Variants in DKK2 observed in about 807,000 individuals in gnomAD.
DKK2 encodes the protein dickkopf-related protein 2.
Under a neutral mutation model 28.1 loss-of-function variants are expected in DKK2, and 11 were observed. The observed-to-expected ratio is 0.39, with a 90% CI of 0.25 to 0.65. DKK2 has a LOEUF of 0.65. Ranked by LOEUF, DKK2 falls within the 30% of genes least tolerant of loss-of-function variation. The pLI is 0.47. For missense variants in DKK2, 326 were observed against 335.5 expected (o/e 0.97, Z 0.22); for synonymous variants, 135 against 126.5 (o/e 1.07, Z -0.45).
intron 1 of DKK2, among the ~76,000 whole-genome samples, chr4:106,971,954 T>C (rs995840717): frequency 4.6e-5 from 7 of 152,210 alleles, no homozygotes; most frequent in Admixed American, 3.9e-4. Flanking sequence ...ATAATCCAGA[T>C]GTAGCAACCT....
chr4:106,938,953 G>C (rs1341746311), intron 1 of DKK2, among the ~76,000 whole-genome samples: 1 of 151,418 alleles, frequency 6.6e-6, no homozygotes, highest in Admixed American at 6.6e-5. Flanking sequence ...GTATTGATGG[G>C]ATGTATTTCA....
intron 1 of DKK2, among the ~76,000 whole-genome samples, chr4:106,990,699 A>G (rs1723190460): frequency 6.6e-6 from 1 of 152,150 alleles, no homozygotes; most frequent in African/African-American, 2.4e-5. Context: ...CTTACAGTCC[A>G]GTCTCCAGCT....
chr4:106,935,069 G>C (rs904644460), intron 1 of DKK2, among the ~76,000 whole-genome samples: 1 of 152,084 alleles, frequency 6.6e-6, no homozygotes, highest in Non-Finnish European at 1.5e-5. Flanking sequence ...AGTTTAAATA[G>C]ACTAATAAAC....
intron 1 of DKK2, among the ~76,000 whole-genome samples, chr4:106,960,720 T>C (rs1428659841): frequency 6.6e-6 from 1 of 152,188 alleles, no homozygotes; most frequent in East Asian, 1.9e-4. Context: ...TATATTGTTA[T>C]AAAATACATA....
intron 1 of DKK2, among the ~76,000 whole-genome samples, chr4:106,930,944 T>C (rs541874790): frequency 4.1e-4 from 63 of 152,274 alleles, no homozygotes; most frequent in African/African-American, 1.5e-3. Flanking sequence ...AAAAGATTAA[T>C]TTTCCTCATC....
chr4:106,992,996 G>C (rs966726404), intron 1 of DKK2, among the ~76,000 whole-genome samples: 5 of 152,194 alleles, frequency 3.3e-5, no homozygotes, highest in African/African-American at 4.8e-5. Flanking sequence ...ATTCCATATG[G>C]ATACTGCAAA....
intron 1 of DKK2, among the ~76,000 whole-genome samples, chr4:106,940,346 A>T (rs1724674919): frequency 6.6e-6 from 1 of 152,132 alleles, no homozygotes; most frequent in Non-Finnish European, 1.5e-5. Flanking sequence ...CAGCCAAAAA[A>T]CACATGAAAA....
rs966217091 is a variant in DKK2 at position 106,993,358 on chromosome 4, G to A, written c.222+42012C>T. 2.6e-5 allele frequency among the ~76,000 whole-genome samples: 4 copies of A among 152,120 alleles called. No homozygotes were observed. In the East Asian group the frequency reaches 7.7e-4, roughly 29 times the overall value. On this transcript the variant is annotated intron_variant, in intron 1 of 3. Transcript: ENST00000285311. Reference sequence around the variant, plus strand: ...CATACTAAAATGTTCAATAAACGGAGGTTTCCCAATTAACCCACTACTAAA... The same window carrying A: ...CATACTAAAATGTTCAATAAACGGAAGTTTCCCAATTAACCCACTACTAAA...
At chr4:106,926,856 T>C (rs1275212996) in intron 1 of DKK2, among the ~76,000 whole-genome samples, 1 of 152,172 alleles carries the variant, frequency 6.6e-6, no homozygotes, top group African/African-American at 2.4e-5. Context: ...CATACATATA[T>C]ACCCATTTGT....
chr4:106,953,718 C>G (rs548766892), intron 1 of DKK2, among the ~76,000 whole-genome samples: 1 of 152,318 alleles, frequency 6.6e-6, no homozygotes, highest in African/African-American at 2.4e-5. Flanking sequence ...AAGTGGAACA[C>G]TTTAACCTCT....
intron 1 of DKK2, among the ~76,000 whole-genome samples, chr4:107,008,696 T>A (rs1723474130): frequency 6.6e-6 from 1 of 152,040 alleles, no homozygotes; most frequent in Non-Finnish European, 1.5e-5. Flanking sequence ...CAATATTTCC[T>A]ATACACAGGG....
intron 1 of DKK2, among the ~76,000 whole-genome samples, chr4:106,982,171 C>A (rs926556176): frequency 2.6e-5 from 4 of 152,048 alleles, no homozygotes; most frequent in African/African-American, 7.2e-5. Context: ...TCGTTTATTT[C>A]GTTGGTTATT....
intron 1 of DKK2, among the ~76,000 whole-genome samples, chr4:107,025,383 GAAGAA>G (rs1260047885): frequency 1.3e-5 from 2 of 152,150 alleles, no homozygotes; most frequent in East Asian, 1.9e-4. Context: ...CAGCAGAAGA[GAAGAA>G]AAGGACTAAA....
intron 1 of DKK2, among the ~76,000 whole-genome samples, chr4:106,949,731 C>A (rs1046526013): frequency 4.3e-4 from 65 of 152,100 alleles, no homozygotes; most frequent in Admixed American, 3.3e-4. Flanking sequence ...TTATCTCTTG[C>A]AATTAGTGAA....
At chr4:106,998,877 T>A (rs1723315563) in intron 1 of DKK2, among the ~76,000 whole-genome samples, 3 of 152,218 alleles carry the variant, frequency 2.0e-5, no homozygotes, top group Admixed American at 2.0e-4. Flanking sequence ...GTTGTAAGTA[T>A]GTGATTTTAC....
intron 1 of DKK2, among the ~76,000 whole-genome samples, chr4:106,972,731 G>A (rs1722885749): frequency 1.3e-5 from 2 of 151,932 alleles, no homozygotes; most frequent in Admixed American, 6.6e-5. Context: ...CTTGTCATAT[G>A]ACTTCATATT....
chr4:106,960,207 G>GAT (rs571208610), intron 1 of DKK2, among the ~76,000 whole-genome samples: 4 of 150,406 alleles, frequency 2.7e-5, no homozygotes, highest in Non-Finnish European at 5.9e-5. Context: ...TGAGATATGT[G>GAT]ATATATATAT....
intron 2 of DKK2, 46 bp downstream of exon 2, chr4:106,925,746 GCTTATGA>G: frequency 6.4e-7 from 1 of 1,560,728 alleles, no homozygotes; most frequent in Non-Finnish European, 8.6e-7. Context: ...TGAGAGACAG[GCTTATGA>G]TGATGAAAAG....
At chr4:106,995,857 C>A (rs1017105701) in intron 1 of DKK2, among the ~76,000 whole-genome samples, 1 of 152,154 alleles carries the variant, frequency 6.6e-6, no homozygotes, top group South Asian at 2.1e-4. Flanking sequence ...GTGATCCACC[C>A]GCTTCTGCCT....
Sources: gnomAD v4.1 joint callset for allele counts (sites outside exome capture counted in the v4.1 genomes callset) on GRCh38, gnomAD v4.1.1 for gene constraint, MANE v1.5 for transcripts, NCBI Gene and HGNC (gene_info 2026-07-23, HGNC 2026-07-21) for gene names.